Variants in TOX3 observed in about 807,000 individuals in gnomAD.
The protein encoded by TOX3 is CAG trinucleotide repeat-containing gene F9 protein.
A neutral mutation model predicts 64.3 loss-of-function variants in TOX3; 22 were observed. That is an observed-to-expected ratio of 0.34 (90% confidence interval 0.24 to 0.49). The LOEUF (loss-of-function observed/expected upper bound fraction) is 0.49. Among genes scored for constraint, TOX3 ranks in the 20% least tolerant of loss-of-function variants. The probability of loss-of-function intolerance (pLI) is 0.99; values close to 1 mark genes in which losing one functional copy is unlikely to be tolerated. For missense variants in TOX3, 661 were observed against 714.4 expected (o/e 0.93, Z 0.85); for synonymous variants, 291 against 273.6 (o/e 1.06, Z -0.63).
intron 1 of TOX3, among the ~76,000 whole-genome samples, chr16:52,469,384 TC>T (rs1960969086): frequency 6.6e-6 from 1 of 152,206 alleles, no homozygotes; most frequent in Non-Finnish European, 1.5e-5. Flanking sequence ...GTTCAAATGG[TC>T]TAAATCGGCA....
chr16:52,444,627 T>A (rs73583116), intron 5 of TOX3: 4,462 of 310,208 alleles, frequency 0.014, 195 homozygotes, highest in African/African-American at 0.086. Context: ...CTGGATGCAA[T>A]ACAGATTACT....
At chr16:52,484,229 A>G (rs1961447659) in intron 1 of TOX3, among the ~76,000 whole-genome samples, 1 of 152,236 alleles carries the variant, frequency 6.6e-6, no homozygotes, top group South Asian at 2.1e-4. Flanking sequence ...AAAGATAAAT[A>G]TTCTAGAAAG....
chr16:52,474,988 T>G (rs554273388), intron 1 of TOX3, among the ~76,000 whole-genome samples: 1 of 152,256 alleles, frequency 6.6e-6, no homozygotes, highest in South Asian at 2.1e-4. Context: ...TGGCTGTTTC[T>G]TCTGTCTGGA....
At chr16:52,451,222 G>A (rs1262323132) in intron 3 of TOX3, among the ~76,000 whole-genome samples, 2 of 152,180 alleles carry the variant, frequency 1.3e-5, no homozygotes, top group Non-Finnish European at 2.9e-5. Context: ...GTCATTCAAT[G>A]TCTTTTGGAT....
intron 6 of TOX3, 149 bp from the exon 7 acceptor site, chr16:52,440,117 T>C (rs1182934094): frequency 4.5e-6 from 3 of 671,588 alleles, no homozygotes; most frequent in Non-Finnish European, 7.1e-6. Context: ...TGTGACTTTT[T>C]CACTCCTCCC....
chr16:52,510,759 CAAAAAAAAAAAAA>C (rs71376169), intron 1 of TOX3, among the ~76,000 whole-genome samples: 1 of 72,082 alleles, frequency 1.4e-5, no homozygotes, highest in Non-Finnish European at 2.7e-5. Context: ...GACCCTGTCT[CAAAAAAAAAAAAA>C]AAAAAAAAGA....
chr16:52,439,101 G>A lies in TOX3; in HGVS notation c.*124C>T, dbSNP rs1248645429. On this transcript the variant is annotated 3_prime_UTR_variant, in exon 7 of 7. Transcript: ENST00000219746. ...TTGCCTATCTAATAGACACTTGAGA[G>A]GACCGTTTGATCTGTTACACATTTC... The A allele has an allele frequency of 7.2e-6, 10 of 1,392,544 alleles. No individual in the cohort carries two copies. The highest frequency in any genetic ancestry group is 9.9e-6 in the Non-Finnish European group (10 of 1,010,046). The allele number at this position is 1,392,544 out of a possible 1,614,324, so 86.3% of individuals were successfully genotyped here.
chr16:52,466,636 A>C (rs1960872617), intron 2 of TOX3, among the ~76,000 whole-genome samples: 1 of 152,202 alleles, frequency 6.6e-6, no homozygotes, highest in Admixed American at 6.5e-5. Flanking sequence ...AAGCAGTCAT[A>C]ATTAGGAAGG....
chr16:52,525,260 G>A (rs576272958), intron 1 of TOX3, among the ~76,000 whole-genome samples: 3 of 152,148 alleles, frequency 2.0e-5, no homozygotes, highest in South Asian at 2.1e-4. Flanking sequence ...TTAAGTTTGG[G>A]GAGGGGGGTT....
intron 1 of TOX3, among the ~76,000 whole-genome samples, chr16:52,515,547 C>T (rs553618339): frequency 3.4e-4 from 52 of 152,262 alleles, no homozygotes; most frequent in Admixed American, 9.8e-4. Flanking sequence ...CCTGATGTTA[C>T]GCTTTAGTTT....
chr16:52,493,250 T>C (rs1041256030), intron 1 of TOX3, among the ~76,000 whole-genome samples: 1 of 152,168 alleles, frequency 6.6e-6, no homozygotes, highest in East Asian at 1.9e-4. Flanking sequence ...GAGAACTCTT[T>C]CACCTTGGAC....
At chr16:52,486,841 C>T (rs557181049) in intron 1 of TOX3, among the ~76,000 whole-genome samples, 3 of 151,950 alleles carry the variant, frequency 2.0e-5, no homozygotes, top group Admixed American at 6.6e-5. Flanking sequence ...GAGGCTGAGA[C>T]GGGGGTATCA....
chr16:52,498,987 G>A (rs1354971925), intron 1 of TOX3, among the ~76,000 whole-genome samples: 1 of 152,184 alleles, frequency 6.6e-6, no homozygotes, highest in South Asian at 2.1e-4. Flanking sequence ...CACAATGAGC[G>A]AGTTTCATCA....
chr16:52,502,220 A>G (rs781130366), intron 1 of TOX3, among the ~76,000 whole-genome samples: 3 of 152,214 alleles, frequency 2.0e-5, no homozygotes, highest in Non-Finnish European at 4.4e-5. Flanking sequence ...AGCTATGGCC[A>G]TTCAGGAACA....
At chr16:52,519,441 C>T (rs543077969) in intron 1 of TOX3, 1 of 1,551,562 alleles carries the variant, frequency 6.4e-7, no homozygotes, top group South Asian at 1.2e-5. Context: ...TGAAGTCTCT[C>T]CTCAATGCGC....
intron 1 of TOX3, among the ~76,000 whole-genome samples, chr16:52,505,525 G>C (rs1269134625): frequency 1.3e-5 from 2 of 152,124 alleles, no homozygotes; most frequent in African/African-American, 4.8e-5. Context: ...CACTAGATTG[G>C]GTTTTCATGA....
At chr16:52,504,785 G>T (rs2151467110) in intron 1 of TOX3, among the ~76,000 whole-genome samples, 1 of 152,192 alleles carries the variant, frequency 6.6e-6, no homozygotes, top group East Asian at 1.9e-4. Flanking sequence ...AAGTCCAATG[G>T]AATGGCAGTC....
intron 4 of TOX3, 57 bp downstream of exon 4, chr16:52,450,220 G>T (rs1246147818): frequency 6.3e-7 from 1 of 1,592,054 alleles, no homozygotes; most frequent in African/African-American, 1.3e-5. Context: ...AATTCAAACA[G>T]CATGGGGTAA....
intron 6 of TOX3, among the ~76,000 whole-genome samples, chr16:52,443,317 C>G (rs1960060838): frequency 6.6e-6 from 1 of 152,150 alleles, no homozygotes; most frequent in Non-Finnish European, 1.5e-5. Flanking sequence ...AATGTTTTAT[C>G]TATCTAATGA....
Sources: allele counts gnomAD v4.1 joint callset (sites outside exome capture counted in the v4.1 genomes callset), GRCh38; gene constraint gnomAD v4.1.1; transcripts MANE v1.5; gene names NCBI Gene and HGNC (gene_info 2026-07-23, HGNC 2026-07-21).